MTNR1A: variants seen among roughly 807,000 people sequenced by gnomAD.
MTNR1A encodes melatonin receptor type 1A.
A neutral mutation model predicts 5.5 loss-of-function variants in MTNR1A; 7 were observed. The ratio of observed to expected loss-of-function variants is 1.28; its 90% CI spans 0.73 to 2.40. MTNR1A has a LOEUF of 2.40. MTNR1A is among the 30% of genes most tolerant of loss of function. The pLI is 0.00. For synonymous variants in MTNR1A, 196 were observed against 202.7 expected (o/e 0.97, Z 0.28); for missense variants, 441 against 464.4 (o/e 0.95, Z 0.46).
rs1737343338 is a variant in MTNR1A, at chr4:186,555,126, C to T, written c.184+56G>A. The stretch of plus-strand genomic sequence containing the variant: ...AAGTGCTTGGGGAAGGCTGGCTGCC[C>T]GCGGAGAGGCGCTGCGTCCGGAGCG... On this transcript the variant is annotated intron_variant, in intron 1 of 1. Coordinates refer to ENST00000307161, the MANE Select transcript of MTNR1A (RefSeq NM_005958.4). The surrounding 1 kb of genome is among the most constrained non-coding windows in gnomAD (Gnocchi z 4.1). The T allele has an allele frequency of 1.3e-6, 2 of 1,532,562 alleles. No individual in the cohort carries two copies. The highest frequency in any genetic ancestry group is 1.8e-6 in the Non-Finnish European group (2 of 1,128,308). 94.9% of individuals were successfully genotyped at this position (1,532,562 alleles called of 1,614,324 possible). A position where few individuals can be genotyped will look rare whatever the true frequency, so the allele number is the denominator to read the frequency against.
rs750086653 is a variant in MTNR1A, at chr4:186,534,388, G to T, written c.354C>A (p.Ile118=). The T allele has an allele frequency of 6.2e-7, 1 of 1,614,136 alleles. No individual in the cohort carries two copies. ...AGTAGCGGTTGATGGCGATGCCGGT[G>T]ATGTTGAATATGGAGCCGATGACGC... ...GLSVIGSIFN[I]TGIAINRYCY... Residue 118 remains isoleucine, a synonymous_variant, in exon 2 of 2, where the codon ATC becomes ATA. Coordinates refer to ENST00000307161, the MANE Select transcript of MTNR1A (RefSeq NM_005958.4).
intron 1 of MTNR1A, among the ~76,000 whole-genome samples, chr4:186,542,666 G>A (rs987449584): frequency 2.0e-5 from 3 of 152,174 alleles, no homozygotes; most frequent in East Asian, 1.9e-4. Flanking sequence ...AATCAAGGGT[G>A]AAAATGGCAG....
rs1736762290 is a variant in MTNR1A at position 186,533,749 on chromosome 4, A to T, written c.993T>A (p.Val331=). Residue 331 remains valine (V), a synonymous_variant, in exon 2 of 2, where the codon GTT becomes GTA. Transcript: ENST00000307161. The stretch of plus-strand genomic sequence containing the variant: ...TCATCAGTGGAGACGGTTTCCATTT[A>T]ACCCTATCGGCCACGTCGTTAGAGC... ...VDSSNDVADR[V]KWKPSPLMTN... is the part of the protein sequence containing the mutation. 6 of 1,614,104 alleles carry T rather than the reference A, an allele frequency of 3.7e-6. No individual in the cohort carries two copies. Among genetic ancestry groups the T allele is most frequent in the Non-Finnish European group, 5.1e-6 (6 of 1,180,058 alleles).
At chr4:186,553,096 C>G (rs1432343510) in intron 1 of MTNR1A, among the ~76,000 whole-genome samples, 1 of 152,210 alleles carries the variant, frequency 6.6e-6, no homozygotes, top group East Asian at 1.9e-4. Context: ...AGCCTAGATG[C>G]CTTCACATTG....
chr4:186,552,348 G>A (rs1365053355), intron 1 of MTNR1A, among the ~76,000 whole-genome samples: 1 of 152,166 alleles, frequency 6.6e-6, no homozygotes, highest in Non-Finnish European at 1.5e-5. Flanking sequence ...CTGTAGGTGA[G>A]AGCCTGTCAT....
At chr4:186,541,387 A>G (rs1279106035) in intron 1 of MTNR1A, among the ~76,000 whole-genome samples, 1 of 151,588 alleles carries the variant, frequency 6.6e-6, no homozygotes, top group Non-Finnish European at 1.5e-5. Context: ...CAGCTAGACC[A>G]GGGGTCCCCA....
At chr4:186,534,802 C>T (rs1156246538) in intron 1 of MTNR1A, among the ~76,000 whole-genome samples, 1 of 152,168 alleles carries the variant, frequency 6.6e-6, no homozygotes, top group Non-Finnish European at 1.5e-5. Context: ...TTCAAAACTG[C>T]TGTCTTTCAA....
intron 1 of MTNR1A, among the ~76,000 whole-genome samples, chr4:186,537,415 C>T (rs1736884077): frequency 6.6e-6 from 1 of 152,172 alleles, no homozygotes; most frequent in Admixed American, 6.5e-5. Context: ...GACATATGGA[C>T]AATCTACCCA....
Position 186,533,690 on chromosome 4 carries a change from T to A in MTNR1A, c.1052A>T (p.Ter351LeuextTer?), listed in dbSNP as rs767162201. ...NNNVVKVDSV[*>L] Reference sequence around the variant, plus strand: ...TCTCACCCGGAACGTGGTGCTTTTTTAAACGGAGTCCACCTTTACTACATT... The same window carrying A: ...TCTCACCCGGAACGTGGTGCTTTTTAAAACGGAGTCCACCTTTACTACATT... Residue 351 changes from the stop codon to leucine, a stop_lost, in exon 2 of 2, where the codon TAA becomes TTA. Coordinates refer to ENST00000307161, the MANE Select transcript of MTNR1A (RefSeq NM_005958.4). The A allele has an allele frequency of 7.4e-6, 12 of 1,614,038 alleles. No individual in the cohort carries two copies. In the South Asian group the frequency reaches 1.2e-4, roughly 16 times the overall value.
rs189469226 is a variant in MTNR1A, at chr4:186,540,184, T to G, written c.185-5627A>C. Among the ~76,000 whole-genome samples, 63 of 152,256 alleles carry G rather than the reference T, an allele frequency of 4.1e-4. No homozygotes were observed. The East Asian group carries it at 0.012, about 29-fold the overall frequency. On this transcript the variant is annotated intron_variant, in intron 1 of 1. Coordinates refer to ENST00000307161, the MANE Select transcript of MTNR1A (RefSeq NM_005958.4). ...GCATGGGAAAGACCTGCCCCTGTGATTCAATTACCTCCCACCAGGTCCCTG... is the reference window on the plus strand; with the variant it reads ...GCATGGGAAAGACCTGCCCCTGTGAGTCAATTACCTCCCACCAGGTCCCTG...
Position 186,536,356 on chromosome 4 carries a change from AAAG to A in MTNR1A, c.185-1802_185-1800del, listed in dbSNP as rs1270885221. ...AGCAAAACTCCGTATCAAAAAAAAA[AAAG>A]AAAAAAAAGAAAAAGAAAATTACAC... is the stretch of plus-strand genomic sequence containing the variant. On this transcript the variant is annotated intron_variant, in intron 1 of 1. Transcript: ENST00000307161. 1.4e-3 allele frequency among the ~76,000 whole-genome samples: 140 copies of A among 99,586 alleles called. 1 individual carries two copies. The highest frequency in any genetic ancestry group is 4.7e-3 in the African/African-American group (133 of 28,062). The allele number at this position is 99,586 out of a possible 152,430, so 65.3% of individuals were successfully genotyped here.
At chr4:186,539,268 A>G (rs947978807) in intron 1 of MTNR1A, among the ~76,000 whole-genome samples, 8 of 151,786 alleles carry the variant, frequency 5.3e-5, no homozygotes, top group Admixed American at 5.2e-4. Flanking sequence ...GGTGAAAACA[A>G]TGTCATTGCA....
intron 1 of MTNR1A, among the ~76,000 whole-genome samples, chr4:186,548,758 T>A (rs1737205500): frequency 7.1e-6 from 1 of 140,166 alleles, no homozygotes. Context: ...CCAAAAAAAA[T>A]GACCTATAAT....
At chr4:186,548,332 A>C (rs943573021) in intron 1 of MTNR1A, among the ~76,000 whole-genome samples, 3 of 152,362 alleles carry the variant, frequency 2.0e-5, no homozygotes, top group Non-Finnish European at 4.4e-5. Context: ...TGACAGGAAA[A>C]TATGTTAACA....
At chr4:186,535,408 A>G (rs1736823079) in intron 1 of MTNR1A, among the ~76,000 whole-genome samples, 1 of 151,830 alleles carries the variant, frequency 6.6e-6, no homozygotes, top group African/African-American at 2.4e-5. Context: ...AACTCTAGTC[A>G]CTTTTTTATT....
chr4:186,534,764 A>T (rs528005630), intron 1 of MTNR1A, among the ~76,000 whole-genome samples: 2 of 151,804 alleles, frequency 1.3e-5, no homozygotes, highest in Admixed American at 1.3e-4. Flanking sequence ...ACACATTCCC[A>T]CCTCCCCAGA....
intron 1 of MTNR1A, among the ~76,000 whole-genome samples, chr4:186,535,649 C>T (rs1213719778): frequency 6.6e-6 from 1 of 152,184 alleles, no homozygotes; most frequent in Non-Finnish European, 1.5e-5. Context: ...GGGCTCCAGC[C>T]ATCCACTTGC....
Position 186,534,068 on chromosome 4 carries a change from C to T in MTNR1A, c.674G>A (p.Arg225His), listed in dbSNP as rs150858716. 8 of 1,614,078 alleles carry T rather than the reference C, an allele frequency of 5.0e-6. No homozygotes were observed. The highest frequency in any genetic ancestry group is 1.7e-5 in the Admixed American group (1 of 60,020). Residue 225 changes from arginine (R) to histidine (H), a missense_variant, in exon 2 of 2, where the codon CGC becomes CAC. Transcript: ENST00000307161. ...GTCCTGTGGTTTCAGTTTGGGTTTG[C>T]GGTCAGGTTTCACCCTCTGTCTGAC... is the stretch of plus-strand genomic sequence containing the variant. ...LQVRQRVKPD[R>H]KPKLKPQDFR...
chr4:186,551,790 G>C (rs1209863216), intron 1 of MTNR1A, among the ~76,000 whole-genome samples: 1 of 152,116 alleles, frequency 6.6e-6, no homozygotes, highest in Non-Finnish European at 1.5e-5. Flanking sequence ...TCTCTGAGTG[G>C]TAATGCAGAA....
Sources: gnomAD v4.1 joint callset for allele counts (sites outside exome capture counted in the v4.1 genomes callset) on GRCh38, gnomAD v4.1.1 for gene constraint, Gnocchi (gnomAD v3.1) non-coding constraint, MANE v1.5 for transcripts, NCBI Gene and HGNC (gene_info 2026-07-23, HGNC 2026-07-21) for gene names.